ING3: variants seen among roughly 807,000 people sequenced by gnomAD.
ING3 encodes the protein inhibitor of growth protein 3.
In ING3, 6 loss-of-function variants were observed where a neutral mutation model predicts 64.8. That is an observed-to-expected ratio of 0.09 (90% CI 0.05 to 0.18). The LOEUF (loss-of-function observed/expected upper bound fraction) is 0.18. Among genes scored for constraint, ING3 ranks in the 10% least tolerant of loss-of-function variants. The pLI, the probability that ING3 is intolerant of heterozygous loss-of-function variation, is 1.00. For missense variants in ING3, 310 were observed against 489.7 expected, an observed-to-expected ratio of 0.63 and a Z score of 3.46; for synonymous variants, 170 against 173.7, an observed-to-expected ratio of 0.98 and a Z score of 0.17.
At position 120,959,472 on chromosome 7, in the gene ING3, A is replaced by T. The variant is rs537665523; in HGVS notation, c.267+3848A>T. 2.6e-5 allele frequency among the ~76,000 whole-genome samples: 4 copies of T among 151,978 alleles called. No homozygotes were observed. The East Asian group carries it at 7.8e-4, about 29-fold the overall frequency. On this transcript the variant is annotated intron_variant, in intron 4 of 11. Coordinates refer to ENST00000315870, the MANE Select transcript of ING3 (RefSeq NM_019071.3). ...CAGGCCCTAGAACTCAGTGTTTTGA[A>T]ATTTAAAACTCAAAGCATCTCCTTT...
At chr7:120,964,392 T>C (rs1440238904) in intron 4 of ING3, among the ~76,000 whole-genome samples, 1 of 152,140 alleles carries the variant, frequency 6.6e-6, no homozygotes, top group Admixed American at 6.5e-5. Flanking sequence ...ACAGGGCATA[T>C]TATGAAAAGT....
At chr7:120,958,648 T>C (rs181522606) in intron 4 of ING3, among the ~76,000 whole-genome samples, 1 of 152,366 alleles carries the variant, frequency 6.6e-6, no homozygotes. Context: ...TGTTGCTGCC[T>C]TAGGGCATGT....
chr7:120,968,720 C>CCTA (rs1284893859), intron 8 of ING3, among the ~76,000 whole-genome samples: 1 of 151,540 alleles, frequency 6.6e-6, no homozygotes, highest in Non-Finnish European at 1.5e-5. Context: ...CTGGTGGGTG[C>CCTA]CTGTAATCCC....
intron 6 of ING3, 89 bp downstream of exon 6, chr7:120,966,786 C>A: frequency 1.1e-6 from 1 of 922,350 alleles, no homozygotes; most frequent in Non-Finnish European, 1.8e-6. Context: ...CTCTACACAA[C>A]CAATTGAGAA....
chr7:120,957,996 T>A (rs1795876151), intron 4 of ING3, among the ~76,000 whole-genome samples: 1 of 152,194 alleles, frequency 6.6e-6, no homozygotes, highest in East Asian at 1.9e-4. Context: ...TAGGATTTGC[T>A]CCTTCTTTAA....
rs929609827 is a variant in ING3, at chr7:120,952,789, A to T, written c.101-515A>T. Among the ~76,000 whole-genome samples, 4 of 151,614 alleles carry T rather than the reference A, an allele frequency of 2.6e-5. No homozygotes were observed. In the East Asian group the frequency reaches 7.7e-4, roughly 29 times the overall value. On this transcript the variant is annotated intron_variant, in intron 2 of 11. Coordinates refer to ENST00000315870, the MANE Select transcript of ING3 (RefSeq NM_019071.3). ...TTTTTTTTAGCAGACATCCAATGAGATGATTAGTCTTGGCATATAATTTGG... is the reference window on the plus strand; with the variant it reads ...TTTTTTTTAGCAGACATCCAATGAGTTGATTAGTCTTGGCATATAATTTGG...
intron 11 of ING3, among the ~76,000 whole-genome samples, chr7:120,974,095 A>G (rs1438977686): frequency 2.0e-5 from 3 of 152,148 alleles, no homozygotes; most frequent in Non-Finnish European, 2.9e-5. Flanking sequence ...ACATCACTGT[A>G]AACTCTTCTG....
At position 120,970,961 on chromosome 7, in the gene ING3, T is replaced by A. The variant is rs750876763; in HGVS notation, c.1101+81T>A. 40 of 1,293,384 alleles carry A rather than the reference T, an allele frequency of 3.1e-5. No homozygotes were observed. In the African/African-American group the frequency reaches 3.7e-4, roughly 12 times the overall value. The allele number at this position is 1,293,384 out of a possible 1,614,324, so 80.1% of individuals were successfully genotyped here. On this transcript the variant is annotated intron_variant, in intron 10 of 11. Transcript: ENST00000315870. ...ACTATTTCATTTTTAAGCACTTTTTTAAACTCACTTAAAATACCTTTGCTT... is the reference window on the plus strand; with the variant it reads ...ACTATTTCATTTTTAAGCACTTTTTAAAACTCACTTAAAATACCTTTGCTT...
At chr7:120,971,602 G>A (rs544348595) in intron 10 of ING3, among the ~76,000 whole-genome samples, 67 of 152,034 alleles carry the variant, frequency 4.4e-4, no homozygotes, top group Non-Finnish European at 7.4e-4. Flanking sequence ...CAGGTATACC[G>A]AACATGATTT....
At chr7:120,962,688 A>G (rs1368338795) in intron 4 of ING3, among the ~76,000 whole-genome samples, 1 of 151,980 alleles carries the variant, frequency 6.6e-6, no homozygotes, top group Non-Finnish European at 1.5e-5. Flanking sequence ...TTCTCTAAGC[A>G]TACTGTTTGT....
rs1796124469 is a variant in ING3, at chr7:120,975,550, G to C, written c.*706G>C. ...AGGGGGCGGGGGACTGAAGGGGAAA[G>C]GGCGTTAAAGTGATACATTTTTATA... On this transcript the variant is annotated 3_prime_UTR_variant, in exon 12 of 12. Coordinates refer to ENST00000315870, the MANE Select transcript of ING3 (RefSeq NM_019071.3). 6.6e-6 allele frequency: 1 copy of C among 151,998 alleles called. No individual in the cohort carries two copies. The highest frequency in any genetic ancestry group is 1.5e-5 in the Non-Finnish European group (1 of 67,998). The allele number at this position is 151,998 out of a possible 1,614,324, so 9.4% of individuals were successfully genotyped here.
chr7:120,951,090 A>T (rs1584985034), intron 1 of ING3, 74 bp from the exon 2 acceptor site: 3 of 1,564,282 alleles, frequency 1.9e-6, no homozygotes, highest in Admixed American at 3.4e-5. Context: ...GACCCCCCTG[A>T]CGCACGCGCG....
chr7:120,951,856 C>T (rs1383253180), intron 2 of ING3, among the ~76,000 whole-genome samples: 2 of 152,128 alleles, frequency 1.3e-5, no homozygotes, highest in East Asian at 3.8e-4. Context: ...ATTTCTTTTT[C>T]TTTCAGTGAT....
At chr7:120,956,208 A>G (rs1475106960) in intron 4 of ING3, 2 of 1,604,988 alleles carry the variant, frequency 1.2e-6, no homozygotes, top group Non-Finnish European at 1.7e-6. Context: ...TAGAATATTC[A>G]CTATTTCTCA....
At position 120,973,190 on chromosome 7, in the gene ING3, A is replaced by AT. The variant is rs757413286; in HGVS notation, c.1102-7dup. 54 of 1,441,422 alleles carry AT rather than the reference A, an allele frequency of 3.7e-5. No homozygotes were observed. Among genetic ancestry groups the AT allele is most frequent in the Non-Finnish European group, 4.5e-5 (46 of 1,026,120 alleles). The allele number at this position is 1,441,422 out of a possible 1,614,324, so 89.3% of individuals were successfully genotyped here. A position where few individuals can be genotyped will look rare whatever the true frequency, so the allele number is the denominator to read the frequency against. On this transcript the variant is annotated splice_polypyrimidine_tract_variant and intron_variant, in intron 10 of 11. Coordinates refer to ENST00000315870, the MANE Select transcript of ING3 (RefSeq NM_019071.3). ...TACATAGTCATAATAAAGACATTTA[A>AT]TTTTTTTTAACTAGGTATCTTATGG... is the stretch of plus-strand genomic sequence containing the variant.
chr7:120,951,279 G>A, intron 2 of ING3, 44 bp downstream of exon 2: 3 of 1,570,822 alleles, frequency 1.9e-6, no homozygotes, highest in East Asian at 2.2e-5. Context: ...CGCGCGTTCA[G>A]TGCCAGACTT....
At chr7:120,965,907 A>C (rs1018926121) in intron 5 of ING3, among the ~76,000 whole-genome samples, 1 of 152,190 alleles carries the variant, frequency 6.6e-6, no homozygotes, top group Non-Finnish European at 1.5e-5. Flanking sequence ...AAAAATGCTG[A>C]TGATAGCTGT....
At chr7:120,963,266 A>T (rs1033771982) in intron 4 of ING3, among the ~76,000 whole-genome samples, 2 of 152,132 alleles carry the variant, frequency 1.3e-5, no homozygotes, top group African/African-American at 4.8e-5. Flanking sequence ...AGGTTTTTAA[A>T]TATTCTAGAA....
chr7:120,968,941 T>C, intron 8 of ING3, 70 bp from the exon 9 acceptor site: 1 of 976,640 alleles, frequency 1.0e-6, no homozygotes, highest in Non-Finnish European at 1.5e-6. Context: ...AAAACTATAA[T>C]TTGTAAAACT....
Sources: gnomAD v4.1 joint callset for allele counts (sites outside exome capture counted in the v4.1 genomes callset) on GRCh38, gnomAD v4.1.1 for gene constraint, MANE v1.5 for transcripts, NCBI Gene and HGNC (gene_info 2026-07-23, HGNC 2026-07-21) for gene names.